NEGR1: variants seen among roughly 807,000 people sequenced by gnomAD.
NEGR1 encodes neuronal growth regulator 1.
Under a neutral mutation model 40.9 loss-of-function variants are expected in NEGR1, and 10 were observed. The observed-to-expected ratio is 0.24, with a 90% confidence interval of 0.15 to 0.42. NEGR1 has a LOEUF of 0.42. Among genes scored for constraint, NEGR1 ranks in the 10% least tolerant of loss-of-function variants. NEGR1 has a pLI of 1.00. For synonymous variants in NEGR1, 185 were observed against 166.8 expected (o/e 1.11, Z -0.84); for missense variants, 352 against 438.9 (o/e 0.80, Z 1.77).
At chr1:71,762,619 G>T (rs12135360) in intron 3 of NEGR1, among the ~76,000 whole-genome samples, 62,959 of 151,982 alleles carry the variant, frequency 0.41, 15,434 homozygotes, top group Middle Eastern at 0.6. Flanking sequence ...CAATAAAAAA[G>T]AATGAACTTG....
intron 1 of NEGR1, among the ~76,000 whole-genome samples, chr1:72,247,126 T>C (rs1654928383): frequency 6.6e-6 from 1 of 152,176 alleles, no homozygotes; most frequent in Non-Finnish European, 1.5e-5. Context: ...CCTCTGGGCC[T>C]GTGATGAGAG....
intron 3 of NEGR1, among the ~76,000 whole-genome samples, chr1:71,767,092 A>C (rs908620569): frequency 1.3e-5 from 2 of 152,160 alleles, no homozygotes; most frequent in African/African-American, 4.8e-5. Context: ...TAATATAGAA[A>C]ATTGGTACTG....
chr1:71,927,646 G>C (rs1231977405), intron 2 of NEGR1, among the ~76,000 whole-genome samples: 1 of 151,348 alleles, frequency 6.6e-6, no homozygotes, highest in Non-Finnish European at 1.5e-5. Context: ...TAGTTCAACA[G>C]ATTAAATATT....
At chr1:71,656,684 G>A (rs1049830197) in intron 4 of NEGR1, among the ~76,000 whole-genome samples, 65 of 152,348 alleles carry the variant, frequency 4.3e-4, no homozygotes, top group African/African-American at 1.5e-3. Context: ...ACAGGCGTAA[G>A]CCACCGCGCC....
chr1:71,811,076 G>A (rs1396009939), intron 2 of NEGR1, among the ~76,000 whole-genome samples: 1 of 152,126 alleles, frequency 6.6e-6, no homozygotes, highest in South Asian at 2.1e-4. Flanking sequence ...AGATTCTGCT[G>A]TAGGCTCTGT....
intron 2 of NEGR1, among the ~76,000 whole-genome samples, chr1:71,888,305 C>T (rs1451824448): frequency 1.3e-5 from 2 of 152,030 alleles, no homozygotes; most frequent in African/African-American, 4.8e-5. Flanking sequence ...ATCTGAGGTA[C>T]CGGGTTCATC....
intron 1 of NEGR1, among the ~76,000 whole-genome samples, chr1:72,256,372 G>C (rs1367341566): frequency 2.6e-5 from 4 of 152,178 alleles, no homozygotes; most frequent in African/African-American, 9.7e-5. Context: ...ATTGAAAATT[G>C]TATCTATGCA....
At chr1:71,550,129 G>C (rs1012055224) in intron 6 of NEGR1, among the ~76,000 whole-genome samples, 5 of 151,604 alleles carry the variant, frequency 3.3e-5, no homozygotes, top group Non-Finnish European at 7.4e-5. Flanking sequence ...AAATGGTGGA[G>C]CAGACAGTCT....
intron 1 of NEGR1, among the ~76,000 whole-genome samples, chr1:72,041,298 A>G (rs1194894080): frequency 6.6e-6 from 1 of 151,858 alleles, no homozygotes; most frequent in East Asian, 1.9e-4. Context: ...GGATTTACAA[A>G]TTTCCTTTAC....
chr1:72,127,390 G>T (rs1002292691), intron 1 of NEGR1, among the ~76,000 whole-genome samples: 14 of 148,786 alleles, frequency 9.4e-5, no homozygotes, highest in African/African-American at 3.5e-4. Flanking sequence ...CGTGAACCCG[G>T]GAGGCGGAGG....
intron 2 of NEGR1, among the ~76,000 whole-genome samples, chr1:71,797,445 C>T (rs1446059910): frequency 6.6e-6 from 1 of 152,030 alleles, no homozygotes; most frequent in African/African-American, 2.4e-5. Context: ...AGTTAGGCTG[C>T]CTTGAAACTC....
chr1:71,687,471 C>G (rs997811259), intron 4 of NEGR1, among the ~76,000 whole-genome samples: 1 of 152,168 alleles, frequency 6.6e-6, no homozygotes. Flanking sequence ...TAGCAGCAAG[C>G]AGGCTGACTG....
chr1:71,844,904 G>A (rs1659355222), intron 2 of NEGR1, among the ~76,000 whole-genome samples: 1 of 152,188 alleles, frequency 6.6e-6, no homozygotes, highest in Non-Finnish European at 1.5e-5. Flanking sequence ...CTGCCCAGGG[G>A]GACTATCCAG....
intron 6 of NEGR1, among the ~76,000 whole-genome samples, chr1:71,442,857 A>G (rs962569997): frequency 6.6e-6 from 1 of 152,140 alleles, no homozygotes; most frequent in African/African-American, 2.4e-5. Flanking sequence ...ATTGAAGGTT[A>G]TTGAGACAAT....
intron 1 of NEGR1, among the ~76,000 whole-genome samples, chr1:72,025,907 C>T (rs570810914): frequency 2.6e-5 from 4 of 151,270 alleles, no homozygotes; most frequent in Non-Finnish European, 5.9e-5. Context: ...GTCAGGAGAT[C>T]GAGATCATCC....
chr1:72,146,023 TCTC>T (rs913451019), intron 1 of NEGR1, among the ~76,000 whole-genome samples: 55 of 152,120 alleles, frequency 3.6e-4, no homozygotes, highest in African/African-American at 1.3e-3. Context: ...TGTGTATTTC[TCTC>T]CTCTTTTCTT....
intron 1 of NEGR1, among the ~76,000 whole-genome samples, chr1:72,098,647 A>T (rs541884075): frequency 6.6e-6 from 1 of 152,034 alleles, no homozygotes; most frequent in Non-Finnish European, 1.5e-5. Context: ...ACTCTTTCTC[A>T]TTTTCCTATT....
intron 6 of NEGR1, among the ~76,000 whole-genome samples, chr1:71,461,215 G>C (rs988921815): frequency 6.6e-6 from 1 of 152,022 alleles, no homozygotes; most frequent in Non-Finnish European, 1.5e-5. Flanking sequence ...CCAAGTCTTT[G>C]GCCAAATTAA....
At chr1:72,251,518 T>C (rs1397783512) in intron 1 of NEGR1, among the ~76,000 whole-genome samples, 1 of 152,114 alleles carries the variant, frequency 6.6e-6, no homozygotes, top group East Asian at 1.9e-4. Flanking sequence ...GATGCTCAAG[T>C]CTCTTATATA....
Sources: allele counts gnomAD v4.1 joint callset (sites outside exome capture counted in the v4.1 genomes callset), GRCh38; gene constraint gnomAD v4.1.1; transcripts MANE v1.5; gene names NCBI Gene and HGNC (gene_info 2026-07-23, HGNC 2026-07-21).